CASS4: variants seen among roughly 807,000 people sequenced by gnomAD.
CASS4 encodes the protein Cas scaffold protein family member 4.
CASS4 carries 22 observed loss-of-function variants against 54.2 expected under a neutral mutation model. The observed-to-expected ratio is 0.41, with a 90% confidence interval of 0.29 to 0.58. CASS4 has a LOEUF of 0.58. Among genes scored for constraint, CASS4 ranks in the 20% least tolerant of loss-of-function variants. CASS4 has a pLI of 0.36. For synonymous variants in CASS4, 409 were observed against 391.5 expected (o/e 1.04, Z -0.53); for missense variants, 854 against 986.7 (o/e 0.87, Z 1.80).
rs1979023402 is a variant in CASS4, at chr20:56,414,251, C to T, written c.36+1757C>T. 6.6e-6 allele frequency among the ~76,000 whole-genome samples: 1 copy of T among 152,086 alleles called. No individual in the cohort carries two copies. The highest frequency in any genetic ancestry group is 2.4e-5 in the African/African-American group (1 of 41,404). ...TGTTGTTGTTTGTGTGTGTGTTTGTCTTTCTGATCCAGGTGGTGTTTGTCA... is the reference window on the plus strand; with the variant it reads ...TGTTGTTGTTTGTGTGTGTGTTTGTTTTTCTGATCCAGGTGGTGTTTGTCA... On this transcript the variant is annotated intron_variant, in intron 1 of 5. Transcript: ENST00000679887. The surrounding 1 kb of genome is among the most constrained non-coding windows in gnomAD (Gnocchi z 4.1).
chr20:56,429,537 G>A (rs1979805324), intron 1 of CASS4, among the ~76,000 whole-genome samples: 2 of 152,118 alleles, frequency 1.3e-5, no homozygotes, highest in South Asian at 2.1e-4. Context: ...TAGGAGCCAG[G>A]GCCTTTGTTG....
chr20:56,441,195 T>C (rs1980440023), intron 2 of CASS4, among the ~76,000 whole-genome samples: 1 of 151,446 alleles, frequency 6.6e-6, no homozygotes. Context: ...GGTTTCGCCA[T>C]GTTGGCCAGG....
intron 3 of CASS4, among the ~76,000 whole-genome samples, chr20:56,446,686 A>G (rs953839286): frequency 3.3e-4 from 51 of 152,310 alleles, no homozygotes; most frequent in African/African-American, 1.2e-3. Context: ...CATTGGGATC[A>G]GTAGCTCCCA....
chr20:56,431,819 G>A (rs554670730), intron 1 of CASS4, among the ~76,000 whole-genome samples: 18 of 152,202 alleles, frequency 1.2e-4, no homozygotes, highest in African/African-American at 2.6e-4. Context: ...TCAGATGATC[G>A]GTTTTTAAAG....
chr20:56,442,451 C>A (rs918081085), intron 2 of CASS4, among the ~76,000 whole-genome samples: 2 of 151,646 alleles, frequency 1.3e-5, no homozygotes, highest in East Asian at 1.9e-4. Flanking sequence ...CTGTGGCTGA[C>A]GCTATTCTTT....
chr20:56,452,029 G>A lies in CASS4; in HGVS notation c.853G>A (p.Gly285Ser), dbSNP rs1366900395. The change falls in exon 5 of 6, where the codon GGC becomes AGC. Residue 285 changes from glycine (G) to serine (S), a missense_variant. Gly to Ser is a moderately conservative substitution (Grantham distance 56, BLOSUM62 0). Coordinates refer to ENST00000679887, the MANE Select transcript of CASS4 (RefSeq NM_020356.4). ...CTCCACTTTCTACAATCCTCCAAGT[G>A]GCAGATCCAGGTCCCTCACTCCACA... is the stretch of plus-strand genomic sequence containing the variant. ...SSSTFYNPPS[G>S]RSRSLTPQLN... 4.3e-6 allele frequency: 7 copies of A among 1,614,022 alleles called. No homozygotes were observed. The highest frequency in any genetic ancestry group is 1.1e-5 in the South Asian group (1 of 91,088).
At chr20:56,456,435 G>A (rs575969082) in intron 5 of CASS4, among the ~76,000 whole-genome samples, 6 of 151,662 alleles carry the variant, frequency 4.0e-5, no homozygotes, top group South Asian at 2.1e-4. Flanking sequence ...GTGCAGTGGC[G>A]TGATCTCAGC....
In CASS4 at chr20:56,425,098, C is replaced by T. The variant is rs367557991; in HGVS notation, c.37-12066C>T. Among the ~76,000 whole-genome samples the T allele has an allele frequency of 1.4e-4, 21 of 152,316 alleles. No homozygotes were observed. In the South Asian group the frequency reaches 4.1e-3, roughly 30 times the overall value. ...GGGGAACATGTCCCATCATGGGAGG[C>T]CCTCCTCTCTGGCCTGGGTCTTTGT... is the stretch of plus-strand genomic sequence containing the variant. On this transcript the variant is annotated intron_variant, in intron 1 of 5. Transcript: ENST00000679887.
At chr20:56,434,489 T>A (rs1269722215) in intron 1 of CASS4, among the ~76,000 whole-genome samples, 1 of 152,208 alleles carries the variant, frequency 6.6e-6, no homozygotes, top group African/African-American at 2.4e-5. Context: ...CAGGCTGGAA[T>A]GCAGTGGCAC....
intron 2 of CASS4, among the ~76,000 whole-genome samples, chr20:56,439,357 G>A (rs1312114550): frequency 6.6e-6 from 1 of 151,708 alleles, no homozygotes; most frequent in African/African-American, 2.4e-5. Context: ...TTTAAAAACA[G>A]AGGAAAAAGA....
At chr20:56,418,007 G>A (rs983561531) in intron 1 of CASS4, among the ~76,000 whole-genome samples, 7 of 152,090 alleles carry the variant, frequency 4.6e-5, no homozygotes, top group African/African-American at 7.2e-5. Context: ...CACCCAACTC[G>A]AAAACACAGC....
intron 4 of CASS4, among the ~76,000 whole-genome samples, chr20:56,451,445 G>A (rs192465591): frequency 1.3e-5 from 2 of 152,322 alleles, no homozygotes; most frequent in South Asian, 2.1e-4. Context: ...TTACAAGAAG[G>A]CTGGCATTTC....
chr20:56,432,469 G>A (rs945705561), intron 1 of CASS4, among the ~76,000 whole-genome samples: 2 of 143,430 alleles, frequency 1.4e-5, no homozygotes, highest in Non-Finnish European at 3.0e-5. Flanking sequence ...CTGGGCTCAA[G>A]CCATCCACTC....
At chr20:56,432,471 C>T (rs1979956534) in intron 1 of CASS4, among the ~76,000 whole-genome samples, 2 of 150,554 alleles carry the variant, frequency 1.3e-5, no homozygotes, top group Non-Finnish European at 3.0e-5. Context: ...GGGCTCAAGC[C>T]ATCCACTCAC....
At position 56,433,688 on chromosome 20, in the gene CASS4, G is replaced by A. The variant is rs112135288; in HGVS notation, c.37-3476G>A. On this transcript the variant is annotated intron_variant, in intron 1 of 5. Coordinates refer to ENST00000679887, the MANE Select transcript of CASS4 (RefSeq NM_020356.4). ...CCAGGAAGTACAGTCATTGTCCATC[G>A]GCTGTAGCTCAGCTCTCTGCTTTTC... 1.7e-3 allele frequency among the ~76,000 whole-genome samples: 262 copies of A among 152,280 alleles called. 1 individual carries two copies. Among genetic ancestry groups the A allele is most frequent in the African/African-American group, 6.0e-3 (249 of 41,546 alleles).
chr20:56,424,563 A>C (rs1284190986), intron 1 of CASS4, among the ~76,000 whole-genome samples: 1 of 151,982 alleles, frequency 6.6e-6, no homozygotes, highest in Non-Finnish European at 1.5e-5. Context: ...CAACATGGGG[A>C]AACCCCGTCT....
rs1365251652 is a variant in CASS4 at position 56,437,681 on chromosome 20, A to T, written c.459+95A>T. 1 of 1,158,930 alleles carries T rather than the reference A, an allele frequency of 8.6e-7. No homozygotes were observed. Among genetic ancestry groups the T allele is most frequent in the African/African-American group, 1.6e-5 (1 of 63,890 alleles). 71.8% of individuals were successfully genotyped at this position (1,158,930 alleles called of 1,614,324 possible). On this transcript the variant is annotated intron_variant, in intron 2 of 5. Transcript: ENST00000679887. This position sits in a 1 kb window ranked among gnomAD's most constrained non-coding sequence, Gnocchi z 4.7. ...TGAGGCATGGGTGTCCTTCAGATCA[A>T]ACACGCAAAACGGGAGCCCAGATTG...
intron 1 of CASS4, among the ~76,000 whole-genome samples, chr20:56,436,933 A>G (rs896272427): frequency 1.3e-5 from 2 of 152,050 alleles, no homozygotes; most frequent in African/African-American, 4.8e-5. Context: ...GGACCATCCG[A>G]CCTCGTCTCA....
At chr20:56,433,378 C>G (rs139317043) in intron 1 of CASS4, among the ~76,000 whole-genome samples, 2 of 152,246 alleles carry the variant, frequency 1.3e-5, no homozygotes, top group African/African-American at 4.8e-5. Flanking sequence ...AAGGGTGACA[C>G]CCTGGAGGCC....
Sources: gnomAD v4.1 joint callset for allele counts (sites outside exome capture counted in the v4.1 genomes callset) on GRCh38, gnomAD v4.1.1 for gene constraint, Gnocchi (gnomAD v3.1) non-coding constraint, MANE v1.5 for transcripts, NCBI Gene and HGNC (gene_info 2026-07-23, HGNC 2026-07-21) for gene names.